Variants in PYY observed in about 807,000 individuals in gnomAD.
The protein encoded by PYY is peptide tyrosine tyrosine.
Under a neutral mutation model 10.3 loss-of-function variants are expected in PYY, and 12 were observed. The ratio of observed to expected loss-of-function variants is 1.17; its 90% CI spans 0.75 to 1.89. The LOEUF (loss-of-function observed/expected upper bound fraction) is 1.89. Among genes scored for constraint, PYY ranks in the 40% most tolerant of loss-of-function variants. The probability of loss-of-function intolerance (pLI) is 0.00; values close to 1 mark genes in which losing one functional copy is unlikely to be tolerated. For missense variants in PYY, 141 were observed against 134.0 expected (o/e 1.05, Z -0.26); for synonymous variants, 66 against 62.0 (o/e 1.06, Z -0.30).
chr17:43,974,539 G>T (rs572310378), intron 1 of PYY, among the ~76,000 whole-genome samples: 1 of 152,236 alleles, frequency 6.6e-6, no homozygotes, highest in East Asian at 1.9e-4. Context: ...GTGAAAAATA[G>T]GTCATAAAAG....
intron 1 of PYY, among the ~76,000 whole-genome samples, chr17:44,003,670 C>CAAAAAAAAA (rs34426332): frequency 2.0e-3 from 35 of 17,094 alleles, no homozygotes; most frequent in Admixed American, 2.6e-3. Flanking sequence ...AACAAACAAA[C>CAAAAAAAAA]AAAAAAAAAA....
intron 2 of PYY, among the ~76,000 whole-genome samples, chr17:43,959,490 G>C (rs2048697260): frequency 6.6e-6 from 1 of 152,158 alleles, no homozygotes; most frequent in Non-Finnish European, 1.5e-5. Context: ...TTTGAGACCA[G>C]CCTGGCCATG....
intron 1 of PYY, among the ~76,000 whole-genome samples, chr17:43,969,566 C>A: frequency 7.3e-6 from 1 of 137,126 alleles, no homozygotes; most frequent in African/African-American, 2.6e-5. Flanking sequence ...TAAAGAAAAA[C>A]CATTTGACAA....
chr17:43,957,347 G>A (rs947721520), upstream of PYY, among the ~76,000 whole-genome samples: 2 of 151,968 alleles, frequency 1.3e-5, no homozygotes, highest in African/African-American at 2.4e-5. Flanking sequence ...CTAGTGACAG[G>A]AAATAGAAAA....
chr17:43,988,002 G>T (rs967926801), intron 1 of PYY, among the ~76,000 whole-genome samples: 2 of 151,992 alleles, frequency 1.3e-5, no homozygotes, highest in Non-Finnish European at 2.9e-5. Flanking sequence ...GACCAACATG[G>T]TCTACTGGAC....
chr17:43,965,736 C>T (rs1193749793), intron 2 of PYY, among the ~76,000 whole-genome samples: 24 of 127,436 alleles, frequency 1.9e-4, no homozygotes, highest in Non-Finnish European at 3.4e-4. Flanking sequence ...TTCAGTGAGC[C>T]GAGATCATGC....
intron 1 of PYY, among the ~76,000 whole-genome samples, chr17:43,971,613 T>A (rs1370762680): frequency 6.6e-6 from 1 of 150,560 alleles, no homozygotes; most frequent in Non-Finnish European, 1.5e-5. Flanking sequence ...TCTAATGATG[T>A]CAAACATCTA....
rs185954067 is a variant in PYY, at chr17:43,965,376, G to A, written c.-218+912C>T. Among the ~76,000 whole-genome samples, 453 of 151,618 alleles carry A rather than the reference G, an allele frequency of 3.0e-3. 2 individuals are homozygous for A. Among genetic ancestry groups the A allele is most frequent in the African/African-American group, 0.011 (440 of 41,264 alleles). On this transcript the variant is annotated intron_variant, in intron 2 of 6. Transcript: ENST00000360085. ...GGTGCCTATAATCCCAGCTACTCAGGAGGCGGAGACAGCAGAATCATTTGA... is the reference window on the plus strand; with the variant it reads ...GGTGCCTATAATCCCAGCTACTCAGAAGGCGGAGACAGCAGAATCATTTGA...
intron 1 of PYY, among the ~76,000 whole-genome samples, chr17:43,997,767 C>T (rs1000129108): frequency 2.0e-5 from 3 of 152,056 alleles, no homozygotes; most frequent in Non-Finnish European, 4.4e-5. Flanking sequence ...CCCTATATCC[C>T]CCGCCCGCGT....
chr17:43,965,885 T>C (rs2048753182), intron 2 of PYY, among the ~76,000 whole-genome samples: 1 of 151,938 alleles, frequency 6.6e-6, no homozygotes, highest in South Asian at 2.1e-4. Context: ...AATGATTTTT[T>C]CCTGGCATTT....
At chr17:43,994,039 A>G (rs2048974522) in intron 1 of PYY, among the ~76,000 whole-genome samples, 1 of 151,932 alleles carries the variant, frequency 6.6e-6, no homozygotes, top group Non-Finnish European at 1.5e-5. Flanking sequence ...TTATTTGTAG[A>G]GATGAGGTCT....
intron 1 of PYY, among the ~76,000 whole-genome samples, chr17:43,966,921 C>T (rs906780277): frequency 3.3e-5 from 5 of 152,190 alleles, no homozygotes; most frequent in African/African-American, 4.8e-5. Context: ...AGCATGTATA[C>T]ACACATACAC....
intron 1 of PYY, among the ~76,000 whole-genome samples, chr17:43,970,469 T>C (rs2048784357): frequency 6.6e-6 from 1 of 151,108 alleles, no homozygotes; most frequent in South Asian, 2.1e-4. Context: ...ATTGCACCAT[T>C]GCACTCCAGC....
intron 2 of PYY, among the ~76,000 whole-genome samples, chr17:43,963,579 A>AAAGAAAG (rs2048729425): frequency 1.5e-5 from 1 of 66,580 alleles, no homozygotes; most frequent in East Asian, 3.8e-4. Flanking sequence ...GAAAAGAAAG[A>AAAGAAAG]AAGAAAGAAA....
At chr17:43,992,873 A>G (rs957457697) in intron 1 of PYY, among the ~76,000 whole-genome samples, 19 of 147,674 alleles carry the variant, frequency 1.3e-4, no homozygotes, top group Admixed American at 1.4e-4. Flanking sequence ...CCGCAACCAC[A>G]CAGGCTGGAA....
rs1185454354 is a variant in PYY at position 44,004,432 on chromosome 17, GC to G, written c.-505del. The G allele has an allele frequency of 7.7e-5, 31 of 403,004 alleles. No individual in the cohort carries two copies. The South Asian group carries it at 2.1e-3, about 27-fold the overall frequency. The allele number at this position is 403,004 out of a possible 1,614,324, so 25.0% of individuals were successfully genotyped here. A position where few individuals can be genotyped will look rare whatever the true frequency, so the allele number is the denominator to read the frequency against. On this transcript the variant is annotated 5_prime_UTR_variant, in exon 1 of 7. Transcript: ENST00000360085. Reference sequence around the variant, plus strand: ...AGACAACCCGCCACATTTAGTCTCGGCCCCATGACCGATAGTGGGTTCAGTT... The same window carrying G: ...AGACAACCCGCCACATTTAGTCTCGGCCCATGACCGATAGTGGGTTCAGTT...
At chr17:43,984,156 A>G (rs190276555) in intron 1 of PYY, among the ~76,000 whole-genome samples, 2 of 134,934 alleles carry the variant, frequency 1.5e-5, no homozygotes, top group Non-Finnish European at 1.6e-5. Flanking sequence ...GGTCGCTGTT[A>G]GGGGGGGCGC....
chr17:43,979,637 C>T (rs2048869836), intron 1 of PYY, among the ~76,000 whole-genome samples: 1 of 151,770 alleles, frequency 6.6e-6, no homozygotes, highest in Non-Finnish European at 1.5e-5. Context: ...ATGATGGCAC[C>T]GCTGCACTCC....
chr17:43,959,637 G>A (rs910790639), intron 2 of PYY, among the ~76,000 whole-genome samples: 2 of 152,138 alleles, frequency 1.3e-5, no homozygotes, highest in Admixed American at 6.5e-5. Flanking sequence ...AGCCAAGATC[G>A]CTCCACAGCG....
Sources: gnomAD v4.1 joint callset for allele counts (sites outside exome capture counted in the v4.1 genomes callset) on GRCh38, gnomAD v4.1.1 for gene constraint, MANE v1.5 for transcripts, NCBI Gene and HGNC (gene_info 2026-07-23, HGNC 2026-07-21) for gene names.